The following LRP4 variants were observed in gnomAD, a reference collection of about 807,000 sequenced individuals.
LRP4 encodes the protein LDL receptor related protein 4, also known as low-density lipoprotein receptor-related protein 4.
A neutral mutation model predicts 220.3 loss-of-function variants in LRP4; 95 were observed. The observed-to-expected ratio is 0.43, with a 90% CI of 0.37 to 0.51. The LOEUF is 0.51. LRP4 is among the 20% of genes least tolerant of loss of function. The pLI, the probability that LRP4 is intolerant of heterozygous loss-of-function variation, is 0.00. For missense variants in LRP4, 1,925 were observed against 2,567.0 expected (o/e 0.75, Z 5.40); for synonymous variants, 903 against 954.6 (o/e 0.95, Z 1.00).
At chr11:46,904,309 C>T (rs1242250405) in intron 1 of LRP4, among the ~76,000 whole-genome samples, 1 of 152,178 alleles carries the variant, frequency 6.6e-6, no homozygotes, top group East Asian at 1.9e-4. Flanking sequence ...CCTTGATGTA[C>T]ATCCTTGTCT....
rs145557677 is a variant in LRP4, at chr11:46,883,948, T to G, written c.2535A>C (p.Thr845=). ...TGAGTACTGTTCTCATGCTGCCATC[T>G]GTGTTGGCTACTTCAATCCGGTCTG... ...AGTDRIEVAN[T]DGSMRTVLIW... is the part of the protein sequence containing the mutation. The change falls in exon 19 of 38, where the codon ACA becomes ACC. Residue 845 remains threonine (T), a synonymous_variant. Transcript: ENST00000378623. 8.6e-5 allele frequency: 138 copies of G among 1,614,012 alleles called. No homozygotes were observed. The highest frequency in any genetic ancestry group is 1.2e-4 in the Non-Finnish European group (137 of 1,179,936).
intron 15 of LRP4, 153 bp from the exon 16 acceptor site, chr11:46,889,686 G>A (rs1001814866): frequency 4.8e-6 from 5 of 1,036,738 alleles, no homozygotes; most frequent in Non-Finnish European, 7.2e-6. Flanking sequence ...AGCACAGTGA[G>A]TACCCGGCAC....
chr11:46,918,345 G>A lies in LRP4; in HGVS notation c.35C>T (p.Ala12Val), dbSNP rs771113574. 6 of 1,489,540 alleles carry A rather than the reference G, an allele frequency of 4.0e-6. No homozygotes were observed. In the South Asian group the frequency reaches 7.5e-5, roughly 19 times the overall value. The allele number at this position is 1,489,540 out of a possible 1,614,324, so 92.3% of individuals were successfully genotyped here. Residue 12 changes from alanine (A) to valine (V), a missense_variant, in exon 1 of 38, where the codon GCC (alanine) becomes GTC (valine). Around this residue, in one of 3 missense-constraint regions of LRP4, gnomAD observed 412 missense variants for 505.4 expected, o/e 0.82. Coordinates refer to ENST00000378623, the MANE Select transcript of LRP4 (RefSeq NM_002334.4). The surrounding 1 kb of genome is among the most constrained non-coding windows in gnomAD (Gnocchi z 6.0). ...CCGCTTACCGTGTGCGCAGAGCAGG[G>A]CGCCAAGCAGCAGCGCGCCCCACTG... is the stretch of plus-strand genomic sequence containing the variant. ...RRQWGALLLG[A>V]LLCAHGLASS...
rs374161249 is a variant in LRP4 at position 46,879,260 on chromosome 11, C to G, written c.2870G>C (p.Arg957Pro). Residue 957 changes from arginine (R) to proline (P), a missense_variant, in exon 21 of 38, where the codon CGC (arginine) becomes CCC (proline). Physicochemically the swap from Arg to Pro is moderately radical, Grantham distance 103. Coordinates refer to ENST00000378623, the MANE Select transcript of LRP4 (RefSeq NM_002334.4). ...HPFGLTLYGE[R>P]IYWTDWQTKS... ...GGTCTGCCAGTCAGTCCAATAGATG[C>G]GCTCTCCATAGAGGGTCAGCCCAAA... The G allele has an allele frequency of 6.2e-7, 1 of 1,614,096 alleles. No homozygotes were observed. The highest frequency in any genetic ancestry group is 8.5e-7 in the Non-Finnish European group (1 of 1,180,048).
chr11:46,901,098 C>G (rs1473682996), intron 2 of LRP4, among the ~76,000 whole-genome samples: 1 of 152,146 alleles, frequency 6.6e-6, no homozygotes, highest in African/African-American at 2.4e-5. Flanking sequence ...ACCCAGCCCC[C>G]TTGTCTGTTT....
chr11:46,899,620 C>T lies in LRP4; in HGVS notation c.431-117G>A. ...CGGGTCTGACCTAGCCCCCGAAAGG[C>T]ACCCCAGAGTCAGTGCAGACTCTCC... On this transcript the variant is annotated intron_variant, in intron 4 of 37. Transcript: ENST00000378623. The surrounding 1 kb of genome is among the most constrained non-coding windows in gnomAD (Gnocchi z 5.9). 2 of 817,344 alleles carry T rather than the reference C, an allele frequency of 2.4e-6. No individual in the cohort carries two copies. Among genetic ancestry groups the T allele is most frequent in the Non-Finnish European group, 2.1e-6 (1 of 473,166 alleles). 50.6% of individuals were successfully genotyped at this position (817,344 alleles called of 1,614,324 possible).
chr11:46,859,160 C>A lies in LRP4; in HGVS notation c.5541G>T (p.Thr1847=). The A allele has an allele frequency of 1.2e-6, 2 of 1,614,140 alleles. No homozygotes were observed. Among genetic ancestry groups the A allele is most frequent in the South Asian group, 1.1e-5 (1 of 91,082 alleles). Residue 1847 remains threonine, a synonymous_variant, in exon 38 of 38, where the codon ACG becomes ACT. Coordinates refer to ENST00000378623, the MANE Select transcript of LRP4 (RefSeq NM_002334.4). ...AGCCAGAGCTGGCCTGGATGGACACCGTGTCTGTCTTCATGCATACATGAT... is the reference window on the plus strand; with the variant it reads ...AGCCAGAGCTGGCCTGGATGGACACAGTGTCTGTCTTCATGCATACATGAT... ...LRDHVCMKTD[T]VSIQASSGSL...
chr11:46,881,068 A>AACC (rs1941145821), intron 20 of LRP4, among the ~76,000 whole-genome samples: 1 of 141,440 alleles, frequency 7.1e-6, no homozygotes, highest in East Asian at 2.0e-4. Flanking sequence ...CAAAAAAAAA[A>AACC]AAAAAAAAAA....
intron 30 of LRP4, among the ~76,000 whole-genome samples, chr11:46,872,380 G>C (rs1592519631): frequency 6.6e-6 from 1 of 152,146 alleles, no homozygotes; most frequent in South Asian, 2.1e-4. Context: ...GGATCAGAAG[G>C]GGGCACAGAC....
At chr11:46,893,415 G>A (rs1941462983) in intron 12 of LRP4, among the ~76,000 whole-genome samples, 1 of 152,252 alleles carries the variant, frequency 6.6e-6, no homozygotes, top group South Asian at 2.1e-4. Context: ...TCTCCCTGAC[G>A]CATTCCCAGG....
In LRP4 at chr11:46,896,260, C is replaced by T; in HGVS notation, c.998G>A (p.Gly333Glu). The T allele has an allele frequency of 6.2e-7, 1 of 1,614,210 alleles. No homozygotes were observed. Among genetic ancestry groups the T allele is most frequent in the Non-Finnish European group, 8.5e-7 (1 of 1,180,048 alleles). Residue 333 changes from glycine to glutamate, a missense_variant, in exon 9 of 38, where the codon GGG becomes GAG. This residue lies in a region of LRP4 where 412 missense variants were observed against 505.4 expected (regional missense o/e 0.82). Transcript: ENST00000378623. ...RCIGQRKLCN[G>E]VNDCGDNSDE... ...GCTGTTGTCACCACAGTCGTTGACC[C>T]CGTTGCACAGCTTCCTCTGCCCAAT...
At position 46,864,550 on chromosome 11, in the gene LRP4, G is replaced by A. The variant is rs1204328295; in HGVS notation, c.5156-15C>T. The A allele has an allele frequency of 1.3e-6, 2 of 1,560,866 alleles. No individual in the cohort carries two copies. The highest frequency in any genetic ancestry group is 2.2e-5 in the South Asian group (2 of 89,960). The stretch of plus-strand genomic sequence containing the variant: ...AAGTCCTTCCCCTAGGAAGAATAGA[G>A]AAACACTAGGCAGGGGCCACCGACA... On this transcript the variant is annotated splice_polypyrimidine_tract_variant and intron_variant, in intron 35 of 37. Transcript: ENST00000378623.
In LRP4 at chr11:46,898,680, A is replaced by G. The variant is rs759491671; in HGVS notation, c.677-3T>C. 8 of 1,613,842 alleles carry G rather than the reference A, an allele frequency of 5.0e-6. No individual in the cohort carries two copies. The African/African-American group carries it at 1.1e-4, about 22-fold the overall frequency. On this transcript the variant is annotated splice_polypyrimidine_tract_variant and splice_region_variant and intron_variant, in intron 6 of 37. Coordinates refer to ENST00000378623, the MANE Select transcript of LRP4 (RefSeq NM_002334.4). ...AGAGCGGCAGGGCTGGTGGGAGGCT[A>G]GGGAAACACAAGACTTCTGTCTCTA... is the stretch of plus-strand genomic sequence containing the variant.
chr11:46,875,808 G>A lies in LRP4; in HGVS notation c.3695C>T (p.Thr1232Ile). Residue 1232 changes from threonine to isoleucine, a missense_variant, in exon 26 of 38, where the codon ACC becomes ATC. Thr to Ile is a moderately conservative substitution (Grantham distance 89). Transcript: ENST00000378623. The surrounding 1 kb of genome is among the most constrained non-coding windows in gnomAD (Gnocchi z 4.5). ...SSQLLWADAHTERIEAADLNG... is the reference protein window; with the variant it reads ...SSQLLWADAHIERIEAADLNG... Reference sequence around the variant, plus strand: ...CAGCAGGGACACGGCTCTCACCTCGGTGTGGGCATCGGCCCATAGCAGTTG... The same window carrying A: ...CAGCAGGGACACGGCTCTCACCTCGATGTGGGCATCGGCCCATAGCAGTTG... 1 of 1,614,064 alleles carries A rather than the reference G, an allele frequency of 6.2e-7. No individual in the cohort carries two copies. The highest frequency in any genetic ancestry group is 8.5e-7 in the Non-Finnish European group (1 of 1,180,024).
At chr11:46,882,701 T>G (rs922902099) in intron 19 of LRP4, among the ~76,000 whole-genome samples, 3 of 151,194 alleles carry the variant, frequency 2.0e-5, no homozygotes, top group Non-Finnish European at 4.4e-5. Flanking sequence ...AAAAAAACTG[T>G]AAAAATTAGC....
chr11:46,867,240 G>T (rs1412924814), intron 34 of LRP4, among the ~76,000 whole-genome samples: 3 of 151,916 alleles, frequency 2.0e-5, no homozygotes, highest in Admixed American at 1.3e-4. Flanking sequence ...GTTGCGGGGG[G>T]GTGCACATGA....
In LRP4 at chr11:46,889,415, G is replaced by A. The variant is rs1941370386; in HGVS notation, c.2211C>T (p.Ala737=). 1.9e-6 allele frequency: 3 copies of A among 1,613,864 alleles called. No homozygotes were observed. In the African/African-American group the frequency reaches 4.0e-5, roughly 22 times the overall value. ...TGGTGTTGCAGACCCACTTACTCTG[G>A]GCACAGGCGTGGCTGCTGATCTTGC... is the stretch of plus-strand genomic sequence containing the variant. ...GFRKISSHAC[A]QSLDKFLLFA... Residue 737 remains alanine, a synonymous_variant, in exon 16 of 38, where the codon GCC becomes GCT. Transcript: ENST00000378623.
At position 46,867,379 on chromosome 11, in the gene LRP4, G is replaced by GAGA. The variant is rs540788623; in HGVS notation, c.5087+597_5087+599dup. On this transcript the variant is annotated intron_variant, in intron 34 of 37. Coordinates refer to ENST00000378623, the MANE Select transcript of LRP4 (RefSeq NM_002334.4). ...ATGATGTGAGAGCAAATGTCACAGA[G>GAGA]AGAAGAAGGAGGAATACCACGTGGG... Among the ~76,000 whole-genome samples the GAGA allele has an allele frequency of 2.8e-3, 423 of 152,328 alleles. 2 individuals carry two copies. The highest frequency in any genetic ancestry group is 9.6e-3 in the African/African-American group (401 of 41,566).
In LRP4 at chr11:46,895,266, C is replaced by T. The variant is rs751742961; in HGVS notation, c.1209G>A (p.Gly403=). Residue 403 remains glycine (G), a synonymous_variant, in exon 11 of 38, where the codon GGG becomes GGA. Transcript: ENST00000378623. ...TGTTGGTGCAGCCCTGGCTGCAATACCCCTCCTCGGCACATTCATTCACAT... is the reference window on the plus strand; with the variant it reads ...TGTTGGTGCAGCCCTGGCTGCAATATCCCTCCTCGGCACATTCATTCACAT... ...CQDVNECAEE[G]YCSQGCTNSE... is the part of the protein sequence containing the mutation. The T allele has an allele frequency of 8.7e-6, 14 of 1,613,776 alleles. 1 individual carries two copies. In the East Asian group the frequency reaches 1.1e-4, roughly 13 times the overall value.
Sources: gnomAD v4.1 joint callset for allele counts (sites outside exome capture counted in the v4.1 genomes callset) on GRCh38, gnomAD v4.1.1 for gene constraint, gnomAD v4.1.1 regional missense constraint, Gnocchi (gnomAD v3.1) non-coding constraint, MANE v1.5 for transcripts, NCBI Gene and HGNC (gene_info 2026-07-23, HGNC 2026-07-21) for gene names.